SNCAIP: variants seen among roughly 807,000 people sequenced by gnomAD.
SNCAIP encodes synphilin-1.
SNCAIP carries 43 observed loss-of-function variants against 86.7 expected under a neutral mutation model. That is an observed-to-expected ratio of 0.50 (90% CI 0.39 to 0.64). The LOEUF (loss-of-function observed/expected upper bound fraction) is 0.64, where lower values mean the gene tolerates loss of function less well. Ranked by LOEUF, SNCAIP falls within the 30% of genes least tolerant of loss-of-function variation. The pLI, the probability that SNCAIP is intolerant of heterozygous loss-of-function variation, is 0.00. For synonymous variants in SNCAIP, 417 were observed against 427.2 expected, an observed-to-expected ratio of 0.98 and a Z score of 0.29; for missense variants, 981 against 1,103.1, an observed-to-expected ratio of 0.89 and a Z score of 1.57.
At chr5:122,377,313 GT>G (rs746635221) in intron 1 of SNCAIP, among the ~76,000 whole-genome samples, 33 of 151,760 alleles carry the variant, frequency 2.2e-4, no homozygotes, top group Non-Finnish European at 3.4e-4. Flanking sequence ...AATACAATAT[GT>G]TTTTTCTTTG....
rs574049117 is a variant in SNCAIP, at chr5:122,355,675, C to A, written c.-46-35414C>A. On this transcript the variant is annotated intron_variant, in intron 1 of 10. Coordinates refer to ENST00000261368, the MANE Select transcript of SNCAIP (RefSeq NM_005460.4). ...ATCCTGATACCATGGAATCTCCCCT[C>A]GCATGTTCATTGTCAGGCCTAGACT... is the stretch of plus-strand genomic sequence containing the variant. 2.0e-5 allele frequency among the ~76,000 whole-genome samples: 3 copies of A among 152,300 alleles called. No homozygotes were observed. The South Asian group carries it at 6.2e-4, about 32-fold the overall frequency.
At chr5:122,420,325 T>C (rs1442466273) in intron 3 of SNCAIP, among the ~76,000 whole-genome samples, 1 of 152,196 alleles carries the variant, frequency 6.6e-6, no homozygotes, top group African/African-American at 2.4e-5. Flanking sequence ...CCTGTATCAC[T>C]TGGAAAAAAT....
intron 1 of SNCAIP, among the ~76,000 whole-genome samples, chr5:122,349,757 A>G (rs572268659): frequency 3.3e-5 from 5 of 152,010 alleles, no homozygotes; most frequent in Non-Finnish European, 7.4e-5. Flanking sequence ...GTTTCATCCC[A>G]TTGTGCATCC....
chr5:122,363,684 TA>T (rs11397559), intron 1 of SNCAIP, among the ~76,000 whole-genome samples: 17 of 147,880 alleles, frequency 1.1e-4, no homozygotes, highest in East Asian at 4.0e-4. Context: ...GGTAAGGAGT[TA>T]AAAAAAAAAA....
intron 8 of SNCAIP, among the ~76,000 whole-genome samples, chr5:122,445,336 T>C (rs201154057): frequency 6.6e-6 from 1 of 152,226 alleles, no homozygotes; most frequent in East Asian, 1.9e-4. Context: ...CTTGATAAGA[T>C]TATTAAACTG....
At chr5:122,436,982 G>A (rs1779630216) in intron 6 of SNCAIP, 1 of 152,186 alleles carries the variant, frequency 6.6e-6, no homozygotes, top group Non-Finnish European at 1.5e-5. Context: ...ATATGTGGGT[G>A]GATGATGAAA....
At chr5:122,373,827 G>A (rs148991866) in intron 1 of SNCAIP, among the ~76,000 whole-genome samples, 1 of 152,164 alleles carries the variant, frequency 6.6e-6, no homozygotes, top group South Asian at 2.1e-4. Flanking sequence ...ACCACTGGAA[G>A]CTTTACCAAA....
chr5:122,451,680 A>G lies in SNCAIP; in HGVS notation c.2754+79A>G. 6.2e-6 allele frequency: 7 copies of G among 1,126,774 alleles called. No homozygotes were observed. In the South Asian group the frequency reaches 9.3e-5, roughly 15 times the overall value. The allele number at this position is 1,126,774 out of a possible 1,614,324, so 69.8% of individuals were successfully genotyped here. A position where few individuals can be genotyped will look rare whatever the true frequency, so the allele number is the denominator to read the frequency against. On this transcript the variant is annotated intron_variant, in intron 10 of 10. Coordinates refer to ENST00000261368, the MANE Select transcript of SNCAIP (RefSeq NM_005460.4). ...TCCTAATATCACAGATTGTGGGCCC[A>G]CACTACCTTGAGGGAATCCCCAGGA...
Position 122,391,341 on chromosome 5 carries a change from G to T in SNCAIP, c.57+150G>T, listed in dbSNP as rs780966451. The T allele has an allele frequency of 4.4e-4, 305 of 689,330 alleles. 3 individuals are homozygous for T. In the Middle Eastern group the frequency reaches 8.3e-3, roughly 19 times the overall value. 42.7% of individuals were successfully genotyped at this position (689,330 alleles called of 1,614,324 possible). ...AATCCTGTGTGGCAGACTCGGTGTG[G>T]TTTGGGGGGATCTCTTAGACCAAGA... On this transcript the variant is annotated intron_variant, in intron 2 of 10. Transcript: ENST00000261368.
chr5:122,330,471 A>G (rs1755083755), intron 1 of SNCAIP, among the ~76,000 whole-genome samples: 1 of 152,146 alleles, frequency 6.6e-6, no homozygotes, highest in Non-Finnish European at 1.5e-5. Context: ...TTTGTATTTC[A>G]ACTTATATTT....
intron 1 of SNCAIP, among the ~76,000 whole-genome samples, chr5:122,378,212 A>C (rs1765798164): frequency 1.4e-5 from 2 of 146,358 alleles, no homozygotes; most frequent in South Asian, 2.4e-4. Context: ...TCGTTTCCTG[A>C]CAATTTAATG....
At chr5:122,435,299 C>T (rs1450909693) in intron 6 of SNCAIP, among the ~76,000 whole-genome samples, 6 of 152,148 alleles carry the variant, frequency 3.9e-5, no homozygotes, top group East Asian at 1.9e-4. Flanking sequence ...AAAGATGTTG[C>T]TGGCAAAACA....
intron 6 of SNCAIP, among the ~76,000 whole-genome samples, chr5:122,435,329 A>C (rs192269654): frequency 1.3e-3 from 195 of 152,332 alleles, no homozygotes; most frequent in African/African-American, 4.4e-3. Flanking sequence ...GAATTATCTC[A>C]ATTCAAAGCT....
rs74959192 is a variant in SNCAIP, at chr5:122,329,148, A to C, written c.-47+16864A>C. Among the ~76,000 whole-genome samples, 1,269 of 152,268 alleles carry C rather than the reference A, an allele frequency of 8.3e-3. 12 individuals are homozygous for C. Among genetic ancestry groups the C allele is most frequent in the African/African-American group, 0.028 (1,178 of 41,540 alleles). On this transcript the variant is annotated intron_variant, in intron 1 of 10. Transcript: ENST00000261368. ...TGTCTGGCACAGAATTATAGCAAAAATAATAGTGTTTACTGAGCACTTATT... is the reference window on the plus strand; with the variant it reads ...TGTCTGGCACAGAATTATAGCAAAACTAATAGTGTTTACTGAGCACTTATT...
chr5:122,376,797 T>C (rs1362242677), intron 1 of SNCAIP, among the ~76,000 whole-genome samples: 1 of 152,180 alleles, frequency 6.6e-6, no homozygotes, highest in East Asian at 1.9e-4. Context: ...GAGATGGTCA[T>C]GGCAGCACTC....
rs756737525 is a variant in SNCAIP at position 122,423,020 on chromosome 5, G to C, written c.283G>C (p.Asp95His). ...AGAGACTCTGGAGAACAATGAAAGT[G>C]ATGACCAAAAGAACCAGAAAGTGGT... is the stretch of plus-strand genomic sequence containing the variant. Reference protein sequence around the residue: ...QPETLENNESDDQKNQKVVEY... With the variant: ...QPETLENNESHDQKNQKVVEY... The change falls in exon 4 of 11, where the codon GAT (aspartate) becomes CAT (histidine). Residue 95 changes from aspartate (D) to histidine (H), a missense_variant. Transcript: ENST00000261368. 1 of 1,614,130 alleles carries C rather than the reference G, an allele frequency of 6.2e-7. No individual in the cohort carries two copies.
At chr5:122,331,797 C>CATGTG (rs1319679402) in intron 1 of SNCAIP, among the ~76,000 whole-genome samples, 2 of 152,170 alleles carry the variant, frequency 1.3e-5, no homozygotes, top group Admixed American at 1.3e-4. Context: ...TAGCACTTAC[C>CATGTG]CTAACTTAAC....
intron 1 of SNCAIP, among the ~76,000 whole-genome samples, chr5:122,322,665 T>C (rs1305925704): frequency 6.6e-6 from 1 of 152,232 alleles, no homozygotes; most frequent in Non-Finnish European, 1.5e-5. Context: ...AGAAAATGTT[T>C]TAAACAATTC....
chr5:122,313,776 C>T (rs943897261), intron 1 of SNCAIP, among the ~76,000 whole-genome samples: 21 of 152,090 alleles, frequency 1.4e-4, no homozygotes, highest in African/African-American at 5.1e-4. Flanking sequence ...GTACTGATCG[C>T]GGAAGTCTCT....
Sources: gnomAD v4.1 joint callset for allele counts (sites outside exome capture counted in the v4.1 genomes callset) on GRCh38, gnomAD v4.1.1 for gene constraint, MANE v1.5 for transcripts, NCBI Gene and HGNC (gene_info 2026-07-23, HGNC 2026-07-21) for gene names.